Variants in PRDM2 observed in about 807,000 individuals in gnomAD.
The protein encoded by PRDM2 is PR domain zinc finger protein 2.
Under a neutral mutation model 130.0 loss-of-function variants are expected in PRDM2, and 30 were observed. The observed-to-expected ratio is 0.23, with a 90% confidence interval of 0.17 to 0.31. The LOEUF (loss-of-function observed/expected upper bound fraction) is 0.31. Among genes scored for constraint, PRDM2 ranks in the 10% least tolerant of loss-of-function variants. The probability of loss-of-function intolerance (pLI) is 1.00; values close to 1 mark genes in which losing one functional copy is unlikely to be tolerated. For missense variants in PRDM2, 2,011 were observed against 2,108.4 expected (o/e 0.95, Z 0.90); for synonymous variants, 871 against 782.4 (o/e 1.11, Z -1.89).
At chr1:13,770,326 T>C (rs1210110) in intron 6 of PRDM2, 100,895 of 488,268 alleles carry the variant, frequency 0.21, 11,781 homozygotes, top group Admixed American at 0.29. Context: ...ATAGCACTTA[T>C]GTTTTAGACA....
intron 5 of PRDM2, among the ~76,000 whole-genome samples, chr1:13,747,548 T>C (rs191786762): frequency 1.5e-3 from 221 of 151,882 alleles, no homozygotes; most frequent in African/African-American, 5.0e-3. Context: ...AAAAGGCAGA[T>C]TTTAGCCTTC....
intron 9 of PRDM2, among the ~76,000 whole-genome samples, chr1:13,817,345 ATTTAT>A (rs1394014604): frequency 6.6e-6 from 1 of 152,190 alleles, no homozygotes; most frequent in Non-Finnish European, 1.5e-5. Context: ...TAAAACTCAG[ATTTAT>A]TTTGGACTAA....
At chr1:13,815,570 C>A (rs1344497967) in intron 8 of PRDM2, among the ~76,000 whole-genome samples, 1 of 152,106 alleles carries the variant, frequency 6.6e-6, no homozygotes, top group Non-Finnish European at 1.5e-5. Flanking sequence ...TGGAGGAACA[C>A]CCCACCCAGG....
intron 6 of PRDM2, among the ~76,000 whole-genome samples, chr1:13,758,931 AAAT>A (rs1379391754): frequency 2.0e-5 from 3 of 152,210 alleles, no homozygotes; most frequent in Non-Finnish European, 2.9e-5. Flanking sequence ...TGGTATATAA[AAAT>A]AACAGTTTAT....
chr1:13,735,047 T>G (rs2100484944), intron 4 of PRDM2, among the ~76,000 whole-genome samples: 1 of 152,338 alleles, frequency 6.6e-6, no homozygotes, highest in South Asian at 2.1e-4. Context: ...AATCTCATCT[T>G]GGCATTTGTT....
chr1:13,779,690 C>T lies in PRDM2; in HGVS notation c.1895C>T (p.Thr632Ile). Residue 632 changes from threonine (T) to isoleucine (I), a missense_variant, in exon 8 of 10, where the codon ACA becomes ATA. Transcript: ENST00000311066. The surrounding 1 kb of genome is among the most constrained non-coding windows in gnomAD (Gnocchi z 4.9). ...EDLPKEPLGS[T>I]NSEAKKRRTA... is the part of the protein sequence containing the mutation. ...CTTCCTAAAGAGCCTTTGGGCAGCA[C>T]AAATAGTGAGGCCAAGAAGCGGAGA... The T allele has an allele frequency of 6.2e-7, 1 of 1,614,042 alleles. No individual in the cohort carries two copies.
intron 2 of PRDM2, among the ~76,000 whole-genome samples, chr1:13,729,814 C>T (rs1643044227): frequency 6.6e-6 from 1 of 152,150 alleles, no homozygotes; most frequent in Admixed American, 6.5e-5. Flanking sequence ...TAGATGCCCT[C>T]TCTTGGGCTC....
intron 1 of PRDM2, among the ~76,000 whole-genome samples, chr1:13,704,051 T>C (rs902559581): frequency 6.6e-6 from 1 of 152,224 alleles, no homozygotes; most frequent in African/African-American, 2.4e-5. Context: ...AAATCCTTAT[T>C]TGTAATCTTT....
intron 6 of PRDM2, chr1:13,770,376 A>C (rs1016234789): frequency 1.3e-5 from 6 of 466,760 alleles, no homozygotes; most frequent in East Asian, 1.5e-4. Context: ...AATGGTATTA[A>C]GATTGTACTT....
intron 7 of PRDM2, 64 bp from the exon 8 acceptor site, chr1:13,778,354 T>A (rs754922518): frequency 6.9e-7 from 1 of 1,456,416 alleles, no homozygotes; most frequent in Non-Finnish European, 9.3e-7. Context: ...TCATTCAGAT[T>A]GTTCACCAAG....
chr1:13,731,194 C>A, intron 3 of PRDM2, 77 bp downstream of exon 3: 2 of 1,155,570 alleles, frequency 1.7e-6, no homozygotes, highest in Non-Finnish European at 2.6e-6. Context: ...AGGGGCATGT[C>A]AGGTAGGGAG....
chr1:13,822,894 C>T (rs1157707177), intron 9 of PRDM2, among the ~76,000 whole-genome samples: 2 of 152,064 alleles, frequency 1.3e-5, no homozygotes, highest in Non-Finnish European at 2.9e-5. Context: ...TGGTTCTTCC[C>T]GAGGGCGGGA....
intron 8 of PRDM2, among the ~76,000 whole-genome samples, chr1:13,793,620 G>A (rs143498254): frequency 6.6e-6 from 1 of 152,308 alleles, no homozygotes; most frequent in East Asian, 1.9e-4. Context: ...CTAGAGCTTT[G>A]TCAGAATTTT....
chr1:13,816,439 C>T lies in PRDM2; in HGVS notation c.5049C>T (p.Arg1683=), dbSNP rs139797325. 34 of 1,614,190 alleles carry T rather than the reference C, an allele frequency of 2.1e-5. No homozygotes were observed. The African/African-American group carries it at 2.8e-4, about 13-fold the overall frequency. ...QELKDFSYSL[R]LASRCSPPAA... ...TCTTCCTGCACAGCTACAGCCTCCG[C>T]TTGGCGTCCCGATGCTCTCCACCAG... The change falls in exon 9 of 10, where the codon CGC becomes CGT. Residue 1683 remains arginine (R), a synonymous_variant. Transcript: ENST00000311066.
At chr1:13,730,050 G>A (rs752043582) in intron 2 of PRDM2, among the ~76,000 whole-genome samples, 15 of 152,160 alleles carry the variant, frequency 9.9e-5, no homozygotes, top group Non-Finnish European at 1.6e-4. Context: ...ACTTTTGCCT[G>A]TGTTGGTTCA....
intron 6 of PRDM2, among the ~76,000 whole-genome samples, chr1:13,766,299 A>C (rs1644225717): frequency 6.6e-6 from 1 of 152,214 alleles, no homozygotes; most frequent in Non-Finnish European, 1.5e-5. Context: ...GAAGAAGAGG[A>C]AGACTCTGCA....
chr1:13,702,511 G>GTGC (rs1290974700), intron 1 of PRDM2, among the ~76,000 whole-genome samples: 2 of 152,086 alleles, frequency 1.3e-5, no homozygotes, highest in Non-Finnish European at 2.9e-5. Flanking sequence ...TTTCTTGCGG[G>GTGC]TGCAGTCATA....
chr1:13,786,966 G>C (rs1644753994), intron 8 of PRDM2: 4 of 989,942 alleles, frequency 4.0e-6, no homozygotes, highest in Non-Finnish European at 4.8e-6. Context: ...AAACGTTTTG[G>C]TCACATATCA....
At chr1:13,783,358 A>G (rs565979463) in intron 8 of PRDM2, among the ~76,000 whole-genome samples, 7 of 152,338 alleles carry the variant, frequency 4.6e-5, no homozygotes, top group East Asian at 1.9e-4. Context: ...AAAACAAAAC[A>G]TAGTCCTTTA....
Sources: gnomAD v4.1 joint callset for allele counts (sites outside exome capture counted in the v4.1 genomes callset) on GRCh38, gnomAD v4.1.1 for gene constraint, Gnocchi (gnomAD v3.1) non-coding constraint, MANE v1.5 for transcripts, NCBI Gene and HGNC (gene_info 2026-07-23, HGNC 2026-07-21) for gene names.